Variants in BAALC observed in about 807,000 individuals in gnomAD.
BAALC encodes the protein BAALC binder of MAP3K1 and KLF4, also known as brain and acute leukemia cytoplasmic protein.
A neutral mutation model predicts 15.5 loss-of-function variants in BAALC; 9 were observed. The ratio of observed to expected loss-of-function variants is 0.58; its 90% CI spans 0.35 to 1.02. The LOEUF (loss-of-function observed/expected upper bound fraction) is 1.02, where lower values mean the gene tolerates loss of function less well. Ranked by LOEUF, BAALC falls within the 50% of genes least tolerant of loss-of-function variation. The pLI, the probability that BAALC is intolerant of heterozygous loss-of-function variation, is 0.02. For synonymous variants in BAALC, 80 were observed against 74.6 expected (o/e 1.07, Z -0.37); for missense variants, 201 against 192.4 (o/e 1.04, Z -0.27).
At chr8:103,151,904 G>A (rs1810995205) in intron 1 of BAALC, among the ~76,000 whole-genome samples, 1 of 152,036 alleles carries the variant, frequency 6.6e-6, no homozygotes, top group African/African-American at 2.4e-5. Context: ...TAAGTGCACT[G>A]ACAAGGTTGC....
At chr8:103,220,104 AG>A (rs1036340454) in intron 2 of BAALC, among the ~76,000 whole-genome samples, 2 of 152,304 alleles carry the variant, frequency 1.3e-5, no homozygotes, top group African/African-American at 2.4e-5. Flanking sequence ...TCTCCATCTA[AG>A]CCCCAAGTTC....
chr8:103,208,024 T>C (rs1367136472), intron 1 of BAALC, among the ~76,000 whole-genome samples: 1 of 152,156 alleles, frequency 6.6e-6, no homozygotes, highest in Non-Finnish European at 1.5e-5. Context: ...CAAATGCCAA[T>C]CCCCCAAGCT....
chr8:103,175,585 C>G, intron 1 of BAALC, among the ~76,000 whole-genome samples: 1 of 152,150 alleles, frequency 6.6e-6, no homozygotes. Context: ...ACCTTAAAAC[C>G]TTTGATTTCA....
chr8:103,227,909 A>T, intron 2 of BAALC, 80 bp from the exon 3 acceptor site: 1 of 950,574 alleles, frequency 1.1e-6, no homozygotes, highest in Non-Finnish European at 1.6e-6. Flanking sequence ...ATAAACCTCT[A>T]AATTGATTGA....
At chr8:103,203,366 A>C (rs892680428) in intron 1 of BAALC, among the ~76,000 whole-genome samples, 1 of 152,132 alleles carries the variant, frequency 6.6e-6, no homozygotes, top group Middle Eastern at 3.2e-3. Flanking sequence ...GTGCTTCTAT[A>C]TTTTCTTTAG....
At chr8:103,163,663 T>G (rs1353369025) in intron 1 of BAALC, among the ~76,000 whole-genome samples, 1 of 152,190 alleles carries the variant, frequency 6.6e-6, no homozygotes, top group African/African-American at 2.4e-5. Flanking sequence ...GCCCAACTGC[T>G]GCCCTAGTTC....
intron 1 of BAALC, among the ~76,000 whole-genome samples, chr8:103,204,656 C>G (rs1256657703): frequency 2.6e-5 from 4 of 152,142 alleles, no homozygotes; most frequent in African/African-American, 7.2e-5. Context: ...TGTCATAGCA[C>G]ATGTGTTGAA....
At chr8:103,155,163 T>G (rs559530593) in intron 1 of BAALC, among the ~76,000 whole-genome samples, 1 of 152,250 alleles carries the variant, frequency 6.6e-6, no homozygotes, top group African/African-American at 2.4e-5. Flanking sequence ...TTGGACCATA[T>G]CTATTAGATT....
chr8:103,169,991 A>C (rs916295832), intron 1 of BAALC, among the ~76,000 whole-genome samples: 1 of 152,086 alleles, frequency 6.6e-6, no homozygotes, highest in Non-Finnish European at 1.5e-5. Context: ...AACACGTTGT[A>C]CTCAAGTTTC....
chr8:103,225,136 G>A (rs1812776056), intron 2 of BAALC, among the ~76,000 whole-genome samples: 1 of 152,226 alleles, frequency 6.6e-6, no homozygotes, highest in African/African-American at 2.4e-5. Flanking sequence ...GAAAACCTGA[G>A]TGTAAGACTG....
At chr8:103,147,591 G>A (rs1415875845) in intron 1 of BAALC, among the ~76,000 whole-genome samples, 1 of 152,028 alleles carries the variant, frequency 6.6e-6, no homozygotes, top group East Asian at 1.9e-4. Context: ...ACTCCTGGAG[G>A]TCCAACCTTC....
At chr8:103,226,409 C>T (rs79699310) in intron 2 of BAALC, among the ~76,000 whole-genome samples, 6,793 of 152,326 alleles carry the variant, frequency 0.045, 169 homozygotes, top group African/African-American at 0.075. Flanking sequence ...TGGCTCTCTG[C>T]AGCTGATGCT....
At position 103,162,797 on chromosome 8, in the gene BAALC, T is replaced by G. The variant is rs1048548778; in HGVS notation, c.160+21740T>G. The stretch of plus-strand genomic sequence containing the variant: ...AGGACCTGAGATTTTACCCTACAAG[T>G]TAGCCCGTCACAGTTTCTTGAATAC... On this transcript the variant is annotated intron_variant, in intron 1 of 2. Transcript: ENST00000309982. Among the ~76,000 whole-genome samples the G allele has an allele frequency of 3.3e-5, 5 of 152,148 alleles. No individual in the cohort carries two copies. The South Asian group carries it at 1.0e-3, about 31-fold the overall frequency.
intron 1 of BAALC, among the ~76,000 whole-genome samples, chr8:103,162,413 G>C (rs1045454417): frequency 5.9e-5 from 9 of 152,316 alleles, no homozygotes; most frequent in African/African-American, 2.2e-4. Flanking sequence ...GGGTTTTGCT[G>C]TCAGATGGAA....
intron 1 of BAALC, among the ~76,000 whole-genome samples, chr8:103,202,256 C>T (rs1450484072): frequency 6.6e-6 from 1 of 152,046 alleles, no homozygotes; most frequent in Non-Finnish European, 1.5e-5. Flanking sequence ...GAAGATAGGG[C>T]CTTTAAAGAG....
chr8:103,142,184 G>A (rs1022644230), intron 1 of BAALC, among the ~76,000 whole-genome samples: 4 of 152,194 alleles, frequency 2.6e-5, no homozygotes, highest in African/African-American at 9.7e-5. Flanking sequence ...CTTTTACAAG[G>A]TTAAGAATCT....
intron 1 of BAALC, among the ~76,000 whole-genome samples, chr8:103,210,972 C>T (rs1474160669): frequency 6.6e-6 from 1 of 151,908 alleles, no homozygotes; most frequent in Non-Finnish European, 1.5e-5. Context: ...TCTTATGAAA[C>T]AATGTTTTCA....
intron 1 of BAALC, among the ~76,000 whole-genome samples, chr8:103,212,691 G>T (rs912518216): frequency 3.9e-5 from 6 of 152,162 alleles, no homozygotes; most frequent in African/African-American, 1.4e-4. Context: ...ATAGAAAAAA[G>T]TCATCAAGGT....
At chr8:103,227,900 T>C (rs1203459853) in intron 2 of BAALC, 89 bp from the exon 3 acceptor site, 2 of 859,576 alleles carry the variant, frequency 2.3e-6, no homozygotes, top group East Asian at 2.6e-5. Flanking sequence ...TATGGCACAA[T>C]AAACCTCTAA....
Sources: allele counts gnomAD v4.1 joint callset (sites outside exome capture counted in the v4.1 genomes callset), GRCh38; gene constraint gnomAD v4.1.1; transcripts MANE v1.5; gene names NCBI Gene and HGNC (gene_info 2026-07-23, HGNC 2026-07-21).